Variants in PPP3CA observed in about 807,000 individuals in gnomAD.
The protein encoded by PPP3CA is protein phosphatase 3 catalytic subunit alpha.
A neutral mutation model predicts 66.5 loss-of-function variants in PPP3CA; 14 were observed. The ratio of observed to expected loss-of-function variants is 0.21; its 90% CI spans 0.14 to 0.33. The LOEUF is 0.33. Ranked by LOEUF, PPP3CA falls within the 10% of genes least tolerant of loss-of-function variation. PPP3CA has a pLI of 1.00. For synonymous variants in PPP3CA, 232 were observed against 226.2 expected (o/e 1.03, Z -0.23); for missense variants, 317 against 639.5 (o/e 0.50, Z 5.44).
At chr4:101,098,746 T>G (rs955031326) in intron 4 of PPP3CA, among the ~76,000 whole-genome samples, 1 of 152,112 alleles carries the variant, frequency 6.6e-6, no homozygotes, top group Non-Finnish European at 1.5e-5. Context: ...TTTCATAACG[T>G]TTTGTATAGC....
chr4:101,344,571 G>A (rs934086632), intron 1 of PPP3CA, among the ~76,000 whole-genome samples: 1 of 152,086 alleles, frequency 6.6e-6, no homozygotes, highest in Non-Finnish European at 1.5e-5. Context: ...CATAGTATGT[G>A]AATAAAATTT....
At chr4:101,166,079 T>G (rs952289110) in intron 2 of PPP3CA, among the ~76,000 whole-genome samples, 2 of 152,198 alleles carry the variant, frequency 1.3e-5, no homozygotes, top group African/African-American at 4.8e-5. Flanking sequence ...TGAATTTGCA[T>G]GCACATTCCA....
intron 2 of PPP3CA, among the ~76,000 whole-genome samples, chr4:101,168,810 C>T (rs1506804): frequency 0.14 from 21,920 of 152,054 alleles, 2,035 homozygotes; most frequent in East Asian, 0.29. Flanking sequence ...GCCATACTAT[C>T]CACATGTCTA....
At chr4:101,282,759 C>T (rs1380251714) in intron 1 of PPP3CA, among the ~76,000 whole-genome samples, 5 of 152,154 alleles carry the variant, frequency 3.3e-5, no homozygotes, top group Non-Finnish European at 7.3e-5. Context: ...AAGGCTCCCA[C>T]CCACCTCGCA....
At position 101,086,813 on chromosome 4, in the gene PPP3CA, G is replaced by A. The variant is rs116598314; in HGVS notation, c.783-3550C>T. On this transcript the variant is annotated intron_variant, in intron 6 of 13. Transcript: ENST00000394854. ...GTGAATGCCTTAGGAGAGGAACACC[G>A]CTTTTTCATTTGCATTTTCATATCT... Among the ~76,000 whole-genome samples, 529 of 152,250 alleles carry A rather than the reference G, an allele frequency of 3.5e-3. 2 individuals are homozygous for A. The highest frequency in any genetic ancestry group is 5.4e-3 in the South Asian group (26 of 4,820).
intron 2 of PPP3CA, among the ~76,000 whole-genome samples, chr4:101,194,943 T>C (rs1481137943): frequency 6.6e-6 from 1 of 151,782 alleles, no homozygotes; most frequent in African/African-American, 2.4e-5. Flanking sequence ...TATCTGACCA[T>C]AAGAAATAAC....
chr4:101,341,062 T>C (rs1277347989), intron 1 of PPP3CA, among the ~76,000 whole-genome samples: 5 of 152,264 alleles, frequency 3.3e-5, no homozygotes, highest in African/African-American at 1.2e-4. Flanking sequence ...GAATTTGATG[T>C]CTGCTAAAAA....
intron 1 of PPP3CA, among the ~76,000 whole-genome samples, chr4:101,279,007 T>C (rs984107112): frequency 6.6e-6 from 1 of 152,088 alleles, no homozygotes; most frequent in South Asian, 2.1e-4. Context: ...TCTTCCAAAC[T>C]AAAAAATGTA....
At chr4:101,128,711 C>T (rs533093969) in intron 2 of PPP3CA, among the ~76,000 whole-genome samples, 41 of 152,126 alleles carry the variant, frequency 2.7e-4, no homozygotes, top group African/African-American at 8.2e-4. Context: ...CAGTGCTCTC[C>T]GGCCCAGATA....
At chr4:101,065,765 G>A (rs1469872642) in intron 8 of PPP3CA, among the ~76,000 whole-genome samples, 1 of 152,030 alleles carries the variant, frequency 6.6e-6, no homozygotes, top group Non-Finnish European at 1.5e-5. Flanking sequence ...TAATTAAAGA[G>A]GTTTTAGCTT....
chr4:101,271,730 G>A (rs1727342263), intron 1 of PPP3CA, among the ~76,000 whole-genome samples: 1 of 152,046 alleles, frequency 6.6e-6, no homozygotes, highest in Admixed American at 6.5e-5. Flanking sequence ...ACTGGAAGTG[G>A]ACAGCTTCCT....
intron 11 of PPP3CA, among the ~76,000 whole-genome samples, chr4:101,039,007 T>C (rs1727386403): frequency 9.4e-6 from 1 of 106,058 alleles, no homozygotes; most frequent in South Asian, 3.5e-4. Flanking sequence ...TCAGACAGAA[T>C]AAGAAATAAA....
chr4:101,305,731 C>T (rs1728513756), intron 1 of PPP3CA, among the ~76,000 whole-genome samples: 1 of 152,102 alleles, frequency 6.6e-6, no homozygotes, highest in Admixed American at 6.6e-5. Flanking sequence ...AATCATTTGT[C>T]ACAATCTTCC....
intron 1 of PPP3CA, among the ~76,000 whole-genome samples, chr4:101,333,305 T>TGAGG (rs1729504628): frequency 1.0e-5 from 1 of 100,398 alleles, no homozygotes; most frequent in East Asian, 2.9e-4. Context: ...TTTTTTTTTT[T>TGAGG]TTTTGTAGAG....
Position 101,023,924 on chromosome 4 carries a change from T to C in PPP3CA, c.*1941A>G, listed in dbSNP as rs745960925. ...CGTGGGTATACAAATTTCTTGTTAA[T>C]ACAAATGCAACTCTTTTCTGTGATG... On this transcript the variant is annotated 3_prime_UTR_variant, in exon 14 of 14. Coordinates refer to ENST00000394854, the MANE Select transcript of PPP3CA (RefSeq NM_000944.5). The C allele has an allele frequency of 3.3e-5, 5 of 152,672 alleles. No individual in the cohort carries two copies. Among genetic ancestry groups the C allele is most frequent in the Non-Finnish European group, 7.3e-5 (5 of 68,038 alleles). The allele number at this position is 152,672 out of a possible 1,614,324, so 9.5% of individuals were successfully genotyped here. A position where few individuals can be genotyped will look rare whatever the true frequency, so the allele number is the denominator to read the frequency against.
chr4:101,093,123 C>T (rs1730032695), intron 6 of PPP3CA, among the ~76,000 whole-genome samples: 1 of 152,118 alleles, frequency 6.6e-6, no homozygotes, highest in African/African-American at 2.4e-5. Flanking sequence ...CATCCATTTC[C>T]TGACTTTTTA....
chr4:101,069,579 T>C (rs1489183482), intron 8 of PPP3CA, among the ~76,000 whole-genome samples: 4 of 152,080 alleles, frequency 2.6e-5, no homozygotes, highest in African/African-American at 9.7e-5. Flanking sequence ...CTTATGACTA[T>C]GTGCATGTGT....
chr4:101,310,533 C>T (rs80030244), intron 1 of PPP3CA, among the ~76,000 whole-genome samples: 15,956 of 151,986 alleles, frequency 0.1, 2,851 homozygotes, highest in African/African-American at 0.36. Context: ...AAAAATCTCC[C>T]AGGAGTGGTG....
chr4:101,215,215 T>C lies in PPP3CA; in HGVS notation c.59-19099A>G, dbSNP rs574393745. Among the ~76,000 whole-genome samples, 16 of 152,048 alleles carry C rather than the reference T, an allele frequency of 1.1e-4. No homozygotes were observed. The South Asian group carries it at 3.3e-3, about 32-fold the overall frequency. The stretch of plus-strand genomic sequence containing the variant: ...TATATTACATTTACCAAATGTAGTA[T>C]GTGCGTTGAAGCCAAAAAGAGAAAT... On this transcript the variant is annotated intron_variant, in intron 1 of 13. Transcript: ENST00000394854.
Sources: allele counts gnomAD v4.1 joint callset (sites outside exome capture counted in the v4.1 genomes callset), GRCh38; gene constraint gnomAD v4.1.1; transcripts MANE v1.5; gene names NCBI Gene and HGNC (gene_info 2026-07-23, HGNC 2026-07-21).